PTCSC3: variants seen among roughly 807,000 people sequenced by gnomAD.
PTCSC3 encodes the protein papillary thyroid carcinoma susceptibility candidate 3 (non-protein coding).
intron 2 of PTCSC3, among the ~76,000 whole-genome samples, chr14:36,157,171 C>T (rs1329476287): frequency 3.9e-5 from 6 of 152,120 alleles, no homozygotes; most frequent in African/African-American, 9.7e-5. Flanking sequence ...CCAGTGATGA[C>T]GAACTCTTTT....
intron 3 of PTCSC3, chr14:36,153,675 A>G (rs997864844): frequency 6.6e-6 from 1 of 152,254 alleles, no homozygotes; most frequent in African/African-American, 2.4e-5. Context: ...GAATGTCCAT[A>G]GCAGTATAAT....
chr14:36,139,136 A>AG (rs1881360761), intron 3 of PTCSC3, among the ~76,000 whole-genome samples: 1 of 150,116 alleles, frequency 6.7e-6, no homozygotes, highest in Non-Finnish European at 1.5e-5. Context: ...AAAAAAAAAA[A>AG]AAAAGAAATG....
At chr14:36,158,927 C>A (rs1594452689) in intron 2 of PTCSC3, among the ~76,000 whole-genome samples, 1 of 152,158 alleles carries the variant, frequency 6.6e-6, no homozygotes, top group African/African-American at 2.4e-5. Context: ...GCCTGAATTG[C>A]AGAACTTGTT....
At chr14:36,138,899 C>G (rs371337800) in intron 3 of PTCSC3, among the ~76,000 whole-genome samples, 2 of 151,938 alleles carry the variant, frequency 1.3e-5, no homozygotes, top group Non-Finnish European at 2.9e-5. Context: ...GCAGGCGGAT[C>G]ACGAGGAGTT....
At chr14:36,158,715 G>A (rs188135919) in intron 2 of PTCSC3, among the ~76,000 whole-genome samples, 22 of 152,100 alleles carry the variant, frequency 1.4e-4, no homozygotes, top group Non-Finnish European at 2.1e-4. Flanking sequence ...TGAAATTTTC[G>A]TTTTTGGTTG....
chr14:36,171,878 TG>T (rs928667866), intron 1 of PTCSC3, among the ~76,000 whole-genome samples: 4 of 152,054 alleles, frequency 2.6e-5, no homozygotes, highest in African/African-American at 9.7e-5. Flanking sequence ...TTAGCAAATG[TG>T]GGGTGTATTT....
chr14:36,146,717 G>C (rs1881579968), intron 3 of PTCSC3, among the ~76,000 whole-genome samples: 1 of 151,906 alleles, frequency 6.6e-6, no homozygotes, highest in African/African-American at 2.4e-5. Flanking sequence ...GATGTTAGCT[G>C]GTTACTTTGC....
intron 3 of PTCSC3, among the ~76,000 whole-genome samples, chr14:36,138,322 C>G (rs1209099565): frequency 6.6e-6 from 1 of 152,138 alleles, no homozygotes; most frequent in Non-Finnish European, 1.5e-5. Flanking sequence ...TTTCTTGGAA[C>G]ACAAAGTTGT....
chr14:36,148,616 C>G (rs1317663140), intron 3 of PTCSC3, among the ~76,000 whole-genome samples: 1 of 152,242 alleles, frequency 6.6e-6, no homozygotes, highest in Admixed American at 6.5e-5. Context: ...GCAGAAATCA[C>G]CTGTCTTCTG....
intron 2 of PTCSC3, among the ~76,000 whole-genome samples, chr14:36,158,618 G>C (rs1025389505): frequency 6.6e-6 from 1 of 152,142 alleles, no homozygotes; most frequent in African/African-American, 2.4e-5. Context: ...TGATCATGGT[G>C]GAAAAGCTTT....
At chr14:36,149,959 C>A (rs1186998264) in intron 3 of PTCSC3, among the ~76,000 whole-genome samples, 1 of 152,106 alleles carries the variant, frequency 6.6e-6, no homozygotes. Context: ...CATCCCTAAT[C>A]TGAAAATCTC....
chr14:36,145,536 T>C (rs1422726502), intron 3 of PTCSC3, among the ~76,000 whole-genome samples: 19 of 145,900 alleles, frequency 1.3e-4, no homozygotes, highest in Non-Finnish European at 2.7e-4. Flanking sequence ...TTGTGTCTAT[T>C]TGATTCTTCT....
chr14:36,163,509 G>A (rs932623661), intron 1 of PTCSC3, among the ~76,000 whole-genome samples: 3 of 151,992 alleles, frequency 2.0e-5, no homozygotes, highest in African/African-American at 7.2e-5. Flanking sequence ...GAGGAAAAAA[G>A]AAAAATATAA....
intron 3 of PTCSC3, among the ~76,000 whole-genome samples, chr14:36,152,233 T>C (rs1310198363): frequency 6.6e-6 from 1 of 151,816 alleles, no homozygotes; most frequent in African/African-American, 2.4e-5. Flanking sequence ...AAAAAAATGC[T>C]AAAGAAAAAA....
intron 3 of PTCSC3, among the ~76,000 whole-genome samples, chr14:36,150,621 T>G (rs964116222): frequency 2.6e-5 from 4 of 152,220 alleles, no homozygotes; most frequent in African/African-American, 4.8e-5. Flanking sequence ...TCTTCCCTTT[T>G]TCTAACTTCT....
chr14:36,164,139 C>T (rs533737786), intron 1 of PTCSC3: 1 of 152,252 alleles, frequency 6.6e-6, no homozygotes, highest in Middle Eastern at 3.4e-3. Context: ...CCTGGATGTT[C>T]TGACTAATTT....
chr14:36,168,471 CTA>C (rs1882137430), intron 1 of PTCSC3, among the ~76,000 whole-genome samples: 1 of 149,656 alleles, frequency 6.7e-6, no homozygotes, highest in Admixed American at 6.7e-5. Context: ...ATCCTTCCAG[CTA>C]GTTAAGGTTG....
intron 1 of PTCSC3, among the ~76,000 whole-genome samples, chr14:36,167,068 G>T (rs976127249): frequency 2.6e-5 from 4 of 152,136 alleles, no homozygotes; most frequent in Non-Finnish European, 4.4e-5. Context: ...TGGCTAATTA[G>T]TTCTATGGCC....
intron 1 of PTCSC3, among the ~76,000 whole-genome samples, chr14:36,169,357 T>C (rs1014377790): frequency 2.0e-5 from 3 of 152,182 alleles, no homozygotes; most frequent in Non-Finnish European, 4.4e-5. Flanking sequence ...TTACCATTAT[T>C]CGTGGTGTCT....
Sources: gnomAD v4.1 joint callset for allele counts (sites outside exome capture counted in the v4.1 genomes callset) on GRCh38, gnomAD v4.1.1 for gene constraint, MANE v1.5 for transcripts, NCBI Gene and HGNC (gene_info 2026-07-23, HGNC 2026-07-21) for gene names.